Variants in SDK1 observed in about 807,000 individuals in gnomAD.
The protein encoded by SDK1 is sidekick cell adhesion molecule 1.
SDK1 carries 157 observed loss-of-function variants against 245.5 expected under a neutral mutation model. That is an observed-to-expected ratio of 0.64 (90% CI 0.56 to 0.73). The LOEUF (loss-of-function observed/expected upper bound fraction) is 0.73. Among genes scored for constraint, SDK1 ranks in the 30% least tolerant of loss-of-function variants. The pLI is 0.00. For synonymous variants in SDK1, 1,647 were observed against 1,278.5 expected, an observed-to-expected ratio of 1.29 and a Z score of -6.15; for missense variants, 3,583 against 3,002.3, an observed-to-expected ratio of 1.19 and a Z score of -4.52.
chr7:4,159,780 A>G (rs1780999617), intron 31 of SDK1, among the ~76,000 whole-genome samples: 1 of 152,246 alleles, frequency 6.6e-6, no homozygotes. Flanking sequence ...AATTAAAGAT[A>G]TACAGTGTAA....
chr7:4,013,994 G>C (rs560999053), intron 16 of SDK1, among the ~76,000 whole-genome samples: 19 of 152,346 alleles, frequency 1.2e-4, no homozygotes, highest in African/African-American at 3.4e-4. Context: ...GCCTGCGGCC[G>C]AGGGCTCCTG....
At chr7:3,650,986 G>A (rs1290568484) in intron 4 of SDK1, among the ~76,000 whole-genome samples, 1 of 151,906 alleles carries the variant, frequency 6.6e-6, no homozygotes, top group Non-Finnish European at 1.5e-5. Flanking sequence ...ATTGTATCCA[G>A]TTTTTGGCCA....
intron 1 of SDK1, among the ~76,000 whole-genome samples, chr7:3,424,154 TGCCTGCCTTG>T (rs1357375554): frequency 4.6e-5 from 7 of 152,148 alleles, no homozygotes; most frequent in East Asian, 1.9e-4. Context: ...TCAGGTGATC[TGCCTGCCTTG>T]GCCTGCCTAA....
chr7:4,100,287 CATGG>C (rs1782448798), intron 22 of SDK1, among the ~76,000 whole-genome samples: 1 of 152,114 alleles, frequency 6.6e-6, no homozygotes, highest in African/African-American at 2.4e-5. Context: ...GGGCAGGGGC[CATGG>C]GGGGCAGACA....
At chr7:4,162,228 C>G (rs2128212779) in intron 32 of SDK1, among the ~76,000 whole-genome samples, 1 of 152,100 alleles carries the variant, frequency 6.6e-6, no homozygotes, top group African/African-American at 2.4e-5. Context: ...GGTTATCGCC[C>G]TACAAGGCAG....
intron 20 of SDK1, among the ~76,000 whole-genome samples, chr7:4,069,885 G>T (rs71527468): frequency 6.6e-6 from 1 of 152,044 alleles, no homozygotes; most frequent in Non-Finnish European, 1.5e-5. Flanking sequence ...GGGTGGTGAC[G>T]TCCCACCATC....
intron 44 of SDK1, among the ~76,000 whole-genome samples, chr7:4,249,319 C>T (rs893366595): frequency 6.6e-6 from 1 of 152,200 alleles, no homozygotes. Context: ...CACCTTCCCA[C>T]CAGTCCTGCT....
chr7:3,485,612 T>C (rs191434237), intron 1 of SDK1, among the ~76,000 whole-genome samples: 1 of 151,358 alleles, frequency 6.6e-6, no homozygotes, highest in South Asian at 2.1e-4. Flanking sequence ...TTTTTAGCTG[T>C]TATGAAAATG....
At chr7:3,985,364 G>A (rs937014262) in intron 13 of SDK1, among the ~76,000 whole-genome samples, 2 of 152,166 alleles carry the variant, frequency 1.3e-5, no homozygotes, top group African/African-American at 4.8e-5. Context: ...AACAACTTTG[G>A]TTTGGTTTCA....
At chr7:3,359,823 C>T (rs2128560357) in intron 1 of SDK1, among the ~76,000 whole-genome samples, 1 of 152,268 alleles carries the variant, frequency 6.6e-6, no homozygotes, top group African/African-American at 2.4e-5. Flanking sequence ...GAATAATGTT[C>T]AGTAATAAAA....
chr7:3,601,430 A>G (rs1419407305), intron 1 of SDK1, among the ~76,000 whole-genome samples: 2 of 151,990 alleles, frequency 1.3e-5, no homozygotes, highest in Non-Finnish European at 2.9e-5. Flanking sequence ...TTAATATTTC[A>G]TTTTGGCTGA....
chr7:3,504,607 T>G (rs1782329993), intron 1 of SDK1, among the ~76,000 whole-genome samples: 1 of 152,130 alleles, frequency 6.6e-6, no homozygotes, highest in African/African-American at 2.4e-5. Flanking sequence ...ACTGGATATC[T>G]ACAAGAAAAG....
intron 4 of SDK1, among the ~76,000 whole-genome samples, chr7:3,655,900 G>A (rs1049216396): frequency 2.6e-5 from 4 of 152,048 alleles, no homozygotes; most frequent in African/African-American, 7.2e-5. Context: ...TATATCAAAT[G>A]GAAATAATGC....
intron 11 of SDK1, among the ~76,000 whole-genome samples, chr7:3,970,390 A>G (rs1044681790): frequency 3.9e-5 from 6 of 152,212 alleles, no homozygotes; most frequent in Non-Finnish European, 7.3e-5. Context: ...AGTTCCCACT[A>G]TTCTGTCAAG....
At chr7:3,411,550 G>C (rs1478091027) in intron 1 of SDK1, among the ~76,000 whole-genome samples, 1 of 152,092 alleles carries the variant, frequency 6.6e-6, no homozygotes, top group East Asian at 1.9e-4. Flanking sequence ...AGCTTAATTA[G>C]AGATCAGTTA....
At position 4,051,784 on chromosome 7, in the gene SDK1, G is replaced by A. The variant is rs764695946; in HGVS notation, c.2865G>A (p.Gly955=). The A allele has an allele frequency of 1.3e-5, 21 of 1,613,724 alleles. No homozygotes were observed. Among genetic ancestry groups the A allele is most frequent in the Middle Eastern group, 3.3e-4 (2 of 6,062 alleles). The part of the protein sequence containing the change: ...FTSVLCFTTP[G]DGPPSTPQLV... ...CCGTTCTGTGCTTCACCACCCCTGGGGACGGGCCTCCCAGCACACCTCAGC... is the reference window on the plus strand; with the variant it reads ...CCGTTCTGTGCTTCACCACCCCTGGAGACGGGCCTCCCAGCACACCTCAGC... Residue 955 remains glycine (G), a synonymous_variant, in exon 19 of 45, where the codon GGG becomes GGA. Coordinates refer to ENST00000404826, the MANE Select transcript of SDK1 (RefSeq NM_152744.4).
chr7:4,187,644 A>G (rs1782969123), intron 35 of SDK1, among the ~76,000 whole-genome samples: 1 of 152,238 alleles, frequency 6.6e-6, no homozygotes, highest in Non-Finnish European at 1.5e-5. Flanking sequence ...GGTCTGTTAC[A>G]AGGTAAACTG....
intron 1 of SDK1, among the ~76,000 whole-genome samples, chr7:3,514,160 A>G (rs1352416471): frequency 6.6e-6 from 1 of 152,194 alleles, no homozygotes; most frequent in Non-Finnish European, 1.5e-5. Flanking sequence ...ATGTCTTTAG[A>G]CTGCCTGTCT....
At chr7:4,201,729 C>T (rs992586834) in intron 35 of SDK1, among the ~76,000 whole-genome samples, 9 of 149,808 alleles carry the variant, frequency 6.0e-5, no homozygotes, top group African/African-American at 1.7e-4. Flanking sequence ...CACAGGGTGG[C>T]TTTGGCAACA....
Sources: gnomAD v4.1 joint callset for allele counts (sites outside exome capture counted in the v4.1 genomes callset) on GRCh38, gnomAD v4.1.1 for gene constraint, MANE v1.5 for transcripts, NCBI Gene and HGNC (gene_info 2026-07-23, HGNC 2026-07-21) for gene names.